The following APBB2 variants were observed in gnomAD, a reference collection of about 807,000 sequenced individuals.
The protein encoded by APBB2 is amyloid beta precursor protein binding family B member 2, also known as Fe65-like 1.
Under a neutral mutation model 82.5 loss-of-function variants are expected in APBB2, and 38 were observed. The observed-to-expected ratio is 0.46, with a 90% CI of 0.36 to 0.60. APBB2 has a LOEUF of 0.60. Ranked by LOEUF, APBB2 falls within the 20% of genes least tolerant of loss-of-function variation. APBB2 has a pLI of 0.00. For missense variants in APBB2, 772 were observed against 972.3 expected (o/e 0.79, Z 2.74); for synonymous variants, 341 against 368.2 (o/e 0.93, Z 0.85).
intron 1 of APBB2, chr4:41,193,388 T>C (rs1371026428): frequency 6.4e-6 from 1 of 157,142 alleles, no homozygotes; most frequent in East Asian, 1.9e-4. Context: ...TTTTCAGTCC[T>C]CTGGATGAAG....
chr4:41,138,856 A>T (rs1758318857), intron 2 of APBB2, among the ~76,000 whole-genome samples: 1 of 152,182 alleles, frequency 6.6e-6, no homozygotes, highest in African/African-American at 2.4e-5. Flanking sequence ...CACATAAAAA[A>T]CTATCAGTAC....
intron 1 of APBB2, among the ~76,000 whole-genome samples, chr4:41,162,198 CT>C (rs563526597): frequency 0.21 from 28,415 of 135,666 alleles, 3,447 homozygotes; most frequent in African/African-American, 0.38. Flanking sequence ...ATTTCCCCGT[CT>C]TTTTTTTTTT....
At chr4:41,186,845 A>T (rs1483995253) in intron 1 of APBB2, among the ~76,000 whole-genome samples, 1 of 152,204 alleles carries the variant, frequency 6.6e-6, no homozygotes, top group African/African-American at 2.4e-5. Flanking sequence ...AATGCCATAC[A>T]ACTAGGACAT....
chr4:41,074,613 T>TAA (rs1560682569), intron 3 of APBB2, among the ~76,000 whole-genome samples: 1 of 137,820 alleles, frequency 7.3e-6, no homozygotes, highest in Non-Finnish European at 1.6e-5. Flanking sequence ...TTATTATTTT[T>TAA]TTTTTTTTTT....
intron 2 of APBB2, among the ~76,000 whole-genome samples, chr4:41,138,934 C>G (rs775895527): frequency 5.9e-5 from 9 of 152,110 alleles, no homozygotes; most frequent in Non-Finnish European, 1.0e-4. Flanking sequence ...CATTTCTATA[C>G]ACTAGCTACA....
intron 6 of APBB2, among the ~76,000 whole-genome samples, chr4:40,969,229 T>C (rs1423398437): frequency 3.9e-5 from 6 of 152,350 alleles, no homozygotes; most frequent in African/African-American, 4.8e-5. Flanking sequence ...CTTAGCATTA[T>C]AGTTTCTAGT....
At chr4:40,875,134 G>C (rs192044684) in intron 12 of APBB2, among the ~76,000 whole-genome samples, 2 of 152,270 alleles carry the variant, frequency 1.3e-5, no homozygotes, top group Admixed American at 1.3e-4. Context: ...GTGGGGTTTG[G>C]CTCCATCCTG....
At chr4:41,087,553 C>T (rs992114807) in intron 3 of APBB2, among the ~76,000 whole-genome samples, 1 of 152,094 alleles carries the variant, frequency 6.6e-6, no homozygotes, top group Non-Finnish European at 1.5e-5. Flanking sequence ...CTCAGCCTCC[C>T]ACATTGCTGG....
intron 1 of APBB2, among the ~76,000 whole-genome samples, chr4:41,211,209 C>G (rs1371800768): frequency 6.6e-6 from 1 of 151,760 alleles, no homozygotes; most frequent in Non-Finnish European, 1.5e-5. Flanking sequence ...GAGCCAAGAT[C>G]GCGCCACTAC....
intron 7 of APBB2, among the ~76,000 whole-genome samples, chr4:40,935,922 A>G (rs570067328): frequency 4.3e-4 from 66 of 152,352 alleles, no homozygotes; most frequent in African/African-American, 1.6e-3. Flanking sequence ...TCCACCTCAG[A>G]CAATGAGAAA....
chr4:40,949,475 G>A (rs1408398924), intron 6 of APBB2, among the ~76,000 whole-genome samples: 1 of 152,094 alleles, frequency 6.6e-6, no homozygotes. Context: ...CAAGAGAACA[G>A]TGGGGTCAAG....
intron 2 of APBB2, among the ~76,000 whole-genome samples, chr4:41,116,006 C>T (rs544706892): frequency 1.3e-5 from 2 of 152,326 alleles, no homozygotes; most frequent in African/African-American, 4.8e-5. Flanking sequence ...TGTAAAGACA[C>T]ATACACACGT....
intron 1 of APBB2, among the ~76,000 whole-genome samples, chr4:41,189,554 G>A (rs1202582826): frequency 3.3e-5 from 5 of 152,074 alleles, no homozygotes; most frequent in East Asian, 1.9e-4. Context: ...AATCCCCTCC[G>A]AAAACAGCTC....
At chr4:41,023,277 C>T (rs989696048) in intron 5 of APBB2, among the ~76,000 whole-genome samples, 1 of 152,178 alleles carries the variant, frequency 6.6e-6, no homozygotes, top group South Asian at 2.1e-4. Flanking sequence ...TGCATACTTC[C>T]TCAGTAGATA....
intron 3 of APBB2, among the ~76,000 whole-genome samples, chr4:41,078,924 C>T (rs1386338912): frequency 6.6e-6 from 1 of 152,176 alleles, no homozygotes; most frequent in African/African-American, 2.4e-5. Context: ...CACTAACATT[C>T]CCAGAGTGTC....
At chr4:40,988,171 A>C (rs1029540138) in intron 6 of APBB2, among the ~76,000 whole-genome samples, 4 of 152,230 alleles carry the variant, frequency 2.6e-5, no homozygotes, top group African/African-American at 9.6e-5. Context: ...AAGAATTCCA[A>C]AGTCATATCA....
At chr4:41,072,849 G>T (rs371551911) in intron 3 of APBB2, among the ~76,000 whole-genome samples, 1 of 152,144 alleles carries the variant, frequency 6.6e-6, no homozygotes. Context: ...CTGAAGAAAG[G>T]GAGGACTTTA....
intron 6 of APBB2, among the ~76,000 whole-genome samples, chr4:40,998,840 G>A (rs1175460135): frequency 6.6e-6 from 1 of 152,094 alleles, no homozygotes; most frequent in East Asian, 1.9e-4. Flanking sequence ...GAGACAGACG[G>A]CTACTAAGCA....
At chr4:41,045,287 T>A (rs1451266844) in intron 4 of APBB2, among the ~76,000 whole-genome samples, 1 of 148,364 alleles carries the variant, frequency 6.7e-6, no homozygotes, top group East Asian at 1.9e-4. Context: ...ATTTTAATCA[T>A]TTTTTTGTTT....
Sources: allele counts gnomAD v4.1 joint callset (sites outside exome capture counted in the v4.1 genomes callset), GRCh38; gene constraint gnomAD v4.1.1; transcripts MANE v1.5; gene names NCBI Gene and HGNC (gene_info 2026-07-23, HGNC 2026-07-21).